Variants in DMD observed in about 807,000 individuals in gnomAD.
DMD encodes the protein dystrophin, also known as mutant dystrophin.
A neutral mutation model predicts 330.1 loss-of-function variants in DMD; 63 were observed. The observed-to-expected ratio is 0.19, with a 90% CI of 0.16 to 0.24. The LOEUF (loss-of-function observed/expected upper bound fraction) is 0.24, where lower values mean the gene tolerates loss of function less well. DMD is among the 10% of genes least tolerant of loss of function. The probability of loss-of-function intolerance (pLI) is 1.00; values close to 1 mark genes in which losing one functional copy is unlikely to be tolerated. For missense variants in DMD, 3,344 were observed against 2,684.1 expected, an observed-to-expected ratio of 1.25 and a Z score of -5.43; for synonymous variants, 1,223 against 959.8, an observed-to-expected ratio of 1.27 and a Z score of -5.07.
intron 2 of DMD, among the ~76,000 whole-genome samples, chrX:32,904,937 C>T (rs1230833354): frequency 9.0e-6 from 1 of 111,596 alleles, no homozygotes; most frequent in Non-Finnish European, 1.9e-5. Context: ...TGTCTCGTTG[C>T]TCAAAAAGTA....
chrX:33,124,486 A>AAAAAAAAAAAC (rs2095447166), intron 1 of DMD, among the ~76,000 whole-genome samples: 2 of 96,278 alleles, frequency 2.1e-5, no homozygotes, highest in Admixed American at 1.1e-4. Flanking sequence ...GAAAAAAAAA[A>AAAAAAAAAAAC]AAAAAAAAAA....
chrX:32,825,438 A>G (rs1019486216), intron 4 of DMD, among the ~76,000 whole-genome samples: 1 of 110,986 alleles, frequency 9.0e-6, no homozygotes, highest in Non-Finnish European at 1.9e-5. Flanking sequence ...GTAAGGTACT[A>G]CCCCCCCAGT....
chrX:32,860,058 T>A (rs1465870116), intron 2 of DMD, among the ~76,000 whole-genome samples: 3 of 111,818 alleles, frequency 2.7e-5, no homozygotes, highest in African/African-American at 9.8e-5. Context: ...CGAAAGGACC[T>A]AAAAACGAGA....
chrX:31,922,267 A>G (rs1381473494), intron 47 of DMD, among the ~76,000 whole-genome samples: 2 of 111,432 alleles, frequency 1.8e-5, no homozygotes, highest in African/African-American at 6.5e-5. Flanking sequence ...CAGGGAGGGC[A>G]TGGAAGCTCC....
At chrX:31,197,385 CAAT>C (rs2043004660) in intron 67 of DMD, among the ~76,000 whole-genome samples, 1 of 112,059 alleles carries the variant, frequency 8.9e-6, no homozygotes, top group Non-Finnish European at 1.9e-5. Flanking sequence ...TGCATGGCAA[CAAT>C]AATACATTGT....
intron 1 of DMD, among the ~76,000 whole-genome samples, chrX:33,226,916 C>T (rs1283357298): frequency 1.8e-5 from 2 of 109,378 alleles, no homozygotes; most frequent in Non-Finnish European, 3.8e-5. Flanking sequence ...ATTGTGAAGC[C>T]TGATGGAGAT....
intron 49 of DMD, among the ~76,000 whole-genome samples, chrX:31,833,293 G>GAGAGAGAGAGAGAGA (rs1569464426): frequency 1.9e-3 from 26 of 13,909 alleles, no homozygotes; most frequent in Non-Finnish European, 2.7e-3. Flanking sequence ...AGAGAGAGAG[G>GAGAGAGAGAGAGAGA]GAGAGAGGGA....
At chrX:32,517,236 A>C (rs228332) in intron 18 of DMD, 3 of 111,482 alleles carry the variant, frequency 2.7e-5, no homozygotes, top group African/African-American at 9.7e-5. Flanking sequence ...CTGCTTCCTT[A>C]GCTTGCCCAT....
At chrX:31,546,733 T>A (rs1170888621) in intron 55 of DMD, among the ~76,000 whole-genome samples, 1 of 112,353 alleles carries the variant, frequency 8.9e-6, no homozygotes, top group Non-Finnish European at 1.9e-5. Context: ...ATGCTTCTTG[T>A]CAGAGGCAAT....
intron 2 of DMD, among the ~76,000 whole-genome samples, chrX:32,922,817 C>G (rs1472416818): frequency 8.9e-6 from 1 of 111,947 alleles, no homozygotes; most frequent in Admixed American, 9.5e-5. Flanking sequence ...ATTTCTGAAA[C>G]TGTTCTAGAT....
intron 11 of DMD, chrX:32,641,392 T>C (rs2059438129): frequency 2.0e-5 from 2 of 99,322 alleles, no homozygotes; most frequent in South Asian, 1.2e-3. Flanking sequence ...TAGAGAGATA[T>C]ATGTGTATTT....
At chrX:31,751,598 G>A (rs1468240143) in intron 51 of DMD, among the ~76,000 whole-genome samples, 1 of 111,552 alleles carries the variant, frequency 9.0e-6, no homozygotes, top group African/African-American at 3.3e-5. Flanking sequence ...ATTCAGATTT[G>A]TCACCTTTTG....
intron 2 of DMD, among the ~76,000 whole-genome samples, chrX:32,886,710 A>G (rs998226388): frequency 6.3e-5 from 7 of 111,746 alleles, no homozygotes; most frequent in African/African-American, 2.3e-4. Context: ...CCTTTGACCT[A>G]ATAATTTCAT....
At chrX:32,453,767 G>T (rs1464570349) in intron 26 of DMD, among the ~76,000 whole-genome samples, 2 of 110,811 alleles carry the variant, frequency 1.8e-5, no homozygotes, top group African/African-American at 3.3e-5. Flanking sequence ...GCATGGGGCC[G>T]AACTAAGTTT....
intron 30 of DMD, among the ~76,000 whole-genome samples, chrX:32,407,307 T>C (rs1352008133): frequency 2.7e-5 from 3 of 111,268 alleles, no homozygotes; most frequent in Non-Finnish European, 5.7e-5. Flanking sequence ...CATCAACAAG[T>C]GGGTGAAGGA....
intron 2 of DMD, among the ~76,000 whole-genome samples, chrX:32,866,081 G>C (rs1186673062): frequency 1.1e-4 from 12 of 112,371 alleles, no homozygotes; most frequent in Admixed American, 7.6e-4. Context: ...TCATGCCTCT[G>C]CATTTACCGT....
chrX:32,453,721 G>A (rs898353442), intron 26 of DMD, among the ~76,000 whole-genome samples: 2 of 110,771 alleles, frequency 1.8e-5, no homozygotes, highest in African/African-American at 6.5e-5. Flanking sequence ...ATTTGGCTCA[G>A]TAAGCTCATG....
chrX:32,674,234 T>G (rs1014065523), intron 9 of DMD, among the ~76,000 whole-genome samples: 3 of 111,730 alleles, frequency 2.7e-5, no homozygotes, highest in African/African-American at 9.7e-5. Context: ...TACTTAGCAG[T>G]ACTGGACATC....
intron 53 of DMD, among the ~76,000 whole-genome samples, chrX:31,670,961 G>A (rs1210486309): frequency 1.6e-4 from 17 of 108,691 alleles, no homozygotes; most frequent in East Asian, 2.9e-4. Flanking sequence ...CGCCCAGGCC[G>A]GACTGCAGTG....
Sources: gnomAD v4.1 joint callset for allele counts (sites outside exome capture counted in the v4.1 genomes callset) on GRCh38, gnomAD v4.1.1 for gene constraint, MANE v1.5 for transcripts, NCBI Gene and HGNC (gene_info 2026-07-23, HGNC 2026-07-21) for gene names.